The following CTNND2 variants were observed in gnomAD, a reference collection of about 807,000 sequenced individuals.
CTNND2 encodes catenin delta-2.
In CTNND2, 22 loss-of-function variants were observed where a neutral mutation model predicts 144.4. The observed-to-expected ratio is 0.15, with a 90% CI of 0.11 to 0.22. CTNND2 has a LOEUF of 0.22. Among genes scored for constraint, CTNND2 ranks in the 10% least tolerant of loss-of-function variants. The pLI is 1.00. For missense variants in CTNND2, 1,353 were observed against 1,618.8 expected (o/e 0.84, Z 2.82); for synonymous variants, 751 against 695.6 (o/e 1.08, Z -1.25).
chr5:11,656,963 G>A (rs985125552), intron 2 of CTNND2, among the ~76,000 whole-genome samples: 6 of 152,250 alleles, frequency 3.9e-5, no homozygotes, highest in African/African-American at 1.4e-4. Context: ...AGGGCTTTGA[G>A]TTAGGAATAT....
At chr5:11,459,206 A>G (rs31951) in intron 3 of CTNND2, among the ~76,000 whole-genome samples, 31,803 of 152,132 alleles carry the variant, frequency 0.21, 6,407 homozygotes, top group African/African-American at 0.53. Context: ...TTATATTACC[A>G]TTTACAGAGT....
intron 7 of CTNND2, among the ~76,000 whole-genome samples, chr5:11,377,626 C>T (rs1171188659): frequency 6.6e-6 from 1 of 152,084 alleles, no homozygotes; most frequent in Admixed American, 6.5e-5. Context: ...GATCTGTTTA[C>T]CCGCATTTGA....
chr5:11,515,409 A>G (rs1772076987), intron 3 of CTNND2, among the ~76,000 whole-genome samples: 1 of 152,206 alleles, frequency 6.6e-6, no homozygotes, highest in Non-Finnish European at 1.5e-5. Context: ...TCCGTTTAGG[A>G]TGTATTTTTC....
chr5:11,737,280 C>T (rs989829806), intron 1 of CTNND2, among the ~76,000 whole-genome samples: 1 of 152,126 alleles, frequency 6.6e-6, no homozygotes, highest in Admixed American at 6.5e-5. Flanking sequence ...AAAATGCACC[C>T]CTTTGACTTT....
intron 20 of CTNND2, among the ~76,000 whole-genome samples, chr5:10,985,138 ACT>A (rs2149490830): frequency 6.6e-6 from 1 of 152,244 alleles, no homozygotes; most frequent in South Asian, 2.1e-4. Context: ...TAAGAAAGAC[ACT>A]GACAAAAAAC....
At chr5:11,889,059 ACT>A (rs1736772362) in intron 1 of CTNND2, among the ~76,000 whole-genome samples, 1 of 151,900 alleles carries the variant, frequency 6.6e-6, no homozygotes, top group African/African-American at 2.4e-5. Flanking sequence ...CCCTAGAATG[ACT>A]CTTAAATAGA....
At chr5:11,462,159 T>C (rs968769402) in intron 3 of CTNND2, among the ~76,000 whole-genome samples, 4 of 152,158 alleles carry the variant, frequency 2.6e-5, no homozygotes, top group African/African-American at 9.7e-5. Context: ...AACACACTTC[T>C]GTGGGTTTTG....
chr5:11,474,422 A>G (rs1767527592), intron 3 of CTNND2, among the ~76,000 whole-genome samples: 2 of 152,330 alleles, frequency 1.3e-5, no homozygotes, highest in Non-Finnish European at 2.9e-5. Context: ...AGTAAGAATC[A>G]AGGTTTAAAA....
intron 9 of CTNND2, among the ~76,000 whole-genome samples, chr5:11,250,502 T>TAC (rs1743485377): frequency 9.9e-6 from 1 of 101,322 alleles, no homozygotes; most frequent in Non-Finnish European, 1.8e-5. Flanking sequence ...TATATATATA[T>TAC]ATATATATAT....
At chr5:10,980,919 A>G (rs1365815407) in intron 21 of CTNND2, among the ~76,000 whole-genome samples, 1 of 152,142 alleles carries the variant, frequency 6.6e-6, no homozygotes, top group Non-Finnish European at 1.5e-5. Context: ...GGGAGGGATA[A>G]CATTAGGAGA....
At chr5:11,049,885 G>C (rs1745654252) in intron 16 of CTNND2, among the ~76,000 whole-genome samples, 1 of 152,170 alleles carries the variant, frequency 6.6e-6, no homozygotes. Flanking sequence ...CGCTGTCTTA[G>C]TGGAGGGAAA....
chr5:11,064,183 C>A (rs1478499393), intron 16 of CTNND2, among the ~76,000 whole-genome samples: 1 of 152,136 alleles, frequency 6.6e-6, no homozygotes, highest in African/African-American at 2.4e-5. Context: ...CCTTCCATTT[C>A]TTTCCATTTC....
At chr5:11,290,174 C>G (rs1305305743) in intron 9 of CTNND2, among the ~76,000 whole-genome samples, 1 of 152,132 alleles carries the variant, frequency 6.6e-6, no homozygotes, top group Non-Finnish European at 1.5e-5. Flanking sequence ...GTAGCAATTT[C>G]CACTCCCCTC....
At chr5:11,136,115 C>T (rs1580386549) in intron 12 of CTNND2, among the ~76,000 whole-genome samples, 1 of 152,240 alleles carries the variant, frequency 6.6e-6, no homozygotes, top group Admixed American at 6.5e-5. Context: ...ATCTGTGAAG[C>T]AGAAAGCAGC....
intron 9 of CTNND2, among the ~76,000 whole-genome samples, chr5:11,312,451 T>C (rs979081589): frequency 2.9e-4 from 44 of 151,586 alleles, no homozygotes; most frequent in African/African-American, 1.0e-3. Context: ...CAAGAGAAAA[T>C]GAAGAAGCAA....
chr5:11,732,313 A>G, intron 1 of CTNND2, 41 bp from the exon 2 acceptor site: 1 of 1,589,854 alleles, frequency 6.3e-7, no homozygotes, highest in Non-Finnish European at 8.6e-7. Flanking sequence ...TCAGATGTTG[A>G]CACTAAACAG....
chr5:11,588,899 C>A (rs1440961622), intron 2 of CTNND2: 1 of 985,476 alleles, frequency 1.0e-6, no homozygotes, highest in African/African-American at 1.7e-5. Context: ...TCCCTCCCTG[C>A]ACCACGGCTA....
At chr5:11,758,952 T>C (rs1789101588) in intron 1 of CTNND2, among the ~76,000 whole-genome samples, 1 of 151,994 alleles carries the variant, frequency 6.6e-6, no homozygotes, top group South Asian at 2.1e-4. Context: ...ATGTCAAATA[T>C]TTTAATATTT....
chr5:11,489,899 T>C (rs887128282), intron 3 of CTNND2, among the ~76,000 whole-genome samples: 1 of 152,198 alleles, frequency 6.6e-6, no homozygotes, highest in Non-Finnish European at 1.5e-5. Context: ...TCTAGGTTTA[T>C]TGTATTTATT....
Sources: allele counts gnomAD v4.1 joint callset (sites outside exome capture counted in the v4.1 genomes callset), GRCh38; gene constraint gnomAD v4.1.1; transcripts MANE v1.5; gene names NCBI Gene and HGNC (gene_info 2026-07-23, HGNC 2026-07-21).